The following RSU1 variants were observed in gnomAD, a reference collection of about 807,000 sequenced individuals.
The protein encoded by RSU1 is Ras suppressor protein 1.
Under a neutral mutation model 31.1 loss-of-function variants are expected in RSU1, and 26 were observed. The ratio of observed to expected loss-of-function variants is 0.84; its 90% confidence interval spans 0.61 to 1.16. The LOEUF is 1.16. Among genes scored for constraint, RSU1 ranks in the 50% most tolerant of loss-of-function variants. The pLI, the probability that RSU1 is intolerant of heterozygous loss-of-function variation, is 0.00. For missense variants in RSU1, 320 were observed against 339.1 expected (o/e 0.94, Z 0.44); for synonymous variants, 164 against 136.3 (o/e 1.20, Z -1.41).
At chr10:16,636,929 C>A (rs180890985) in intron 8 of RSU1, among the ~76,000 whole-genome samples, 2 of 152,336 alleles carry the variant, frequency 1.3e-5, no homozygotes, top group East Asian at 3.9e-4. Context: ...TGTCTCCCCA[C>A]TAGACTCCAA....
chr10:16,661,710 C>G (rs1041829217), intron 8 of RSU1, among the ~76,000 whole-genome samples: 6 of 152,168 alleles, frequency 3.9e-5, no homozygotes, highest in Non-Finnish European at 7.4e-5. Flanking sequence ...TTTGAATGTG[C>G]TAGCTTTGTG....
chr10:16,698,422 G>A lies in RSU1; in HGVS notation c.599-3267C>T, dbSNP rs576170004. On this transcript the variant is annotated intron_variant, in intron 7 of 8. Transcript: ENST00000345264. ...ACGGCCTGCAAAACCACTCTGGAAC[G>A]CACACAGCCTCTTGTTAACTTATTA... Among the ~76,000 whole-genome samples the A allele has an allele frequency of 4.6e-5, 7 of 152,224 alleles. No homozygotes were observed. The East Asian group carries it at 5.8e-4, about 13-fold the overall frequency.
intron 8 of RSU1, among the ~76,000 whole-genome samples, chr10:16,634,187 C>T (rs907626612): frequency 3.9e-5 from 6 of 152,300 alleles, no homozygotes; most frequent in Admixed American, 2.0e-4. Context: ...CATTTACAGA[C>T]CAGAGCTAGC....
chr10:16,765,875 G>A (rs1837303423), intron 3 of RSU1, among the ~76,000 whole-genome samples: 1 of 152,190 alleles, frequency 6.6e-6, no homozygotes, highest in South Asian at 2.1e-4. Context: ...TCAGACCCGG[G>A]AGCACCTGTG....
chr10:16,772,661 A>AT (rs1837446034), intron 3 of RSU1, among the ~76,000 whole-genome samples: 1 of 143,780 alleles, frequency 7.0e-6, no homozygotes, highest in Non-Finnish European at 1.5e-5. Context: ...AAAAAAAAAA[A>AT]CAAGAAAAAA....
chr10:16,681,109 T>C (rs1263175116), intron 8 of RSU1, among the ~76,000 whole-genome samples: 2 of 152,226 alleles, frequency 1.3e-5, no homozygotes, highest in Non-Finnish European at 2.9e-5. Context: ...AGACAGCAAC[T>C]ATCACCCTGC....
intron 4 of RSU1, among the ~76,000 whole-genome samples, chr10:16,758,758 T>A (rs926231157): frequency 6.6e-6 from 1 of 152,206 alleles, no homozygotes; most frequent in African/African-American, 2.4e-5. Flanking sequence ...AAATTTTGAT[T>A]TAGCCCTAAG....
chr10:16,715,197 C>T (rs1427461114), intron 7 of RSU1, among the ~76,000 whole-genome samples: 1 of 152,186 alleles, frequency 6.6e-6, no homozygotes, highest in Non-Finnish European at 1.5e-5. Context: ...GTTTAGATCC[C>T]CTTTTGGGGG....
chr10:16,805,165 C>T (rs988549887), intron 2 of RSU1, among the ~76,000 whole-genome samples: 9 of 151,980 alleles, frequency 5.9e-5, no homozygotes, highest in African/African-American at 1.9e-4. Context: ...CCAGATCACA[C>T]CATTGCAATC....
rs188869178 is a variant in RSU1, at chr10:16,772,528, T to C, written c.161-8018A>G. On this transcript the variant is annotated intron_variant, in intron 3 of 8. Transcript: ENST00000345264. ...GAGGCAGCACTGAGAGGAAAGGAAA[T>C]GGCATTCAGTGGCCTGGGGAGGAAG... Among the ~76,000 whole-genome samples the C allele has an allele frequency of 1.2e-3, 184 of 149,962 alleles. 1 individual carries two copies. Among genetic ancestry groups the C allele is most frequent in the Non-Finnish European group, 2.1e-3 (145 of 67,794 alleles).
intron 8 of RSU1, among the ~76,000 whole-genome samples, chr10:16,608,858 A>G (rs1833847777): frequency 6.6e-6 from 1 of 152,164 alleles, no homozygotes; most frequent in African/African-American, 2.4e-5. Flanking sequence ...CTCCTAGTTT[A>G]GGGACAGGGT....
At chr10:16,737,917 G>C (rs1836663751) in intron 7 of RSU1, among the ~76,000 whole-genome samples, 1 of 152,144 alleles carries the variant, frequency 6.6e-6, no homozygotes, top group Non-Finnish European at 1.5e-5. Flanking sequence ...AATTGTGAAG[G>C]ACTAGAATTA....
intron 8 of RSU1, among the ~76,000 whole-genome samples, chr10:16,694,341 A>G (rs539640857): frequency 6.6e-6 from 1 of 152,122 alleles, no homozygotes; most frequent in African/African-American, 2.4e-5. Context: ...AGTACTCTCT[A>G]CTGATTTTAT....
chr10:16,808,210 GC>G (rs1045952713), intron 2 of RSU1, among the ~76,000 whole-genome samples: 3 of 151,950 alleles, frequency 2.0e-5, no homozygotes, highest in Non-Finnish European at 4.4e-5. Context: ...GGGCGCAGTG[GC>G]TCACACCTGT....
chr10:16,792,249 T>A (rs1256362416), intron 2 of RSU1, among the ~76,000 whole-genome samples: 1 of 152,214 alleles, frequency 6.6e-6, no homozygotes, highest in Non-Finnish European at 1.5e-5. Flanking sequence ...CTTTTTTGTT[T>A]GTTTTGAAAC....
chr10:16,653,409 T>C (rs1834720902), intron 8 of RSU1, among the ~76,000 whole-genome samples: 7 of 152,040 alleles, frequency 4.6e-5, no homozygotes, highest in Admixed American at 4.6e-4. Context: ...GTGCAGAGGG[T>C]AAAAATAAAA....
In RSU1 at chr10:16,807,522, C is replaced by T. The variant is rs554694248; in HGVS notation, c.109+9451G>A. On this transcript the variant is annotated intron_variant, in intron 2 of 8. Transcript: ENST00000345264. Reference sequence around the variant, plus strand: ...TAACATACGGTATACAAAGATCTCACATCTGATCATTCCATTCTATTGAGA... The same window carrying T: ...TAACATACGGTATACAAAGATCTCATATCTGATCATTCCATTCTATTGAGA... Among the ~76,000 whole-genome samples, 39 of 152,224 alleles carry T rather than the reference C, an allele frequency of 2.6e-4. 1 individual carries two copies. In the South Asian group the frequency reaches 7.9e-3, roughly 31 times the overall value.
chr10:16,596,934 G>A (rs995015574), intron 8 of RSU1, among the ~76,000 whole-genome samples: 2 of 152,160 alleles, frequency 1.3e-5, no homozygotes, highest in Non-Finnish European at 2.9e-5. Flanking sequence ...CGTTGGACAT[G>A]CTGGTCTCAA....
chr10:16,722,036 G>C (rs1393455427), intron 7 of RSU1, among the ~76,000 whole-genome samples: 5 of 152,078 alleles, frequency 3.3e-5, no homozygotes, highest in Admixed American at 1.3e-4. Flanking sequence ...CACTTTCCTG[G>C]TTTTAGTCAC....
Sources: gnomAD v4.1 joint callset for allele counts (sites outside exome capture counted in the v4.1 genomes callset) on GRCh38, gnomAD v4.1.1 for gene constraint, MANE v1.5 for transcripts, NCBI Gene and HGNC (gene_info 2026-07-23, HGNC 2026-07-21) for gene names.